SLC10A6: variants seen among roughly 807,000 people sequenced by gnomAD.
The protein encoded by SLC10A6 is solute carrier family 10 member 6, also known as sodium-dependent organic anion transporter.
A neutral mutation model predicts 30.0 loss-of-function variants in SLC10A6; 27 were observed. The ratio of observed to expected loss-of-function variants is 0.90; its 90% CI spans 0.66 to 1.24. The LOEUF (loss-of-function observed/expected upper bound fraction) is 1.24. Among genes scored for constraint, SLC10A6 ranks in the 50% most tolerant of loss-of-function variants. The pLI, the probability that SLC10A6 is intolerant of heterozygous loss-of-function variation, is 0.00. For synonymous variants in SLC10A6, 166 were observed against 173.8 expected (o/e 0.95, Z 0.36); for missense variants, 439 against 457.0 (o/e 0.96, Z 0.36).
intron 1 of SLC10A6, among the ~76,000 whole-genome samples, chr4:86,842,720 AAG>A: frequency 6.6e-6 from 1 of 150,752 alleles, no homozygotes; most frequent in African/African-American, 2.4e-5. Flanking sequence ...AAGAAAAGAA[AAG>A]AAAAGAAAAG....
chr4:86,833,876 T>C (rs913346609), intron 1 of SLC10A6, among the ~76,000 whole-genome samples: 1 of 152,072 alleles, frequency 6.6e-6, no homozygotes, highest in African/African-American at 2.4e-5. Flanking sequence ...CCCCAATCCC[T>C]CCTTCCCCTA....
At chr4:86,848,067 A>G (rs1390845597) in intron 1 of SLC10A6, among the ~76,000 whole-genome samples, 2 of 152,248 alleles carry the variant, frequency 1.3e-5, no homozygotes, top group East Asian at 1.9e-4. Context: ...TATCTACACC[A>G]TAATTGGGAA....
rs1393411491 is a variant in SLC10A6, at chr4:86,849,162, T to C, written c.-47A>G. On this transcript the variant is annotated 5_prime_UTR_variant, in exon 1 of 6. Transcript: ENST00000273905. Reference sequence around the variant, plus strand: ...CATTACAAATGAACATCGGCAACAATGGCTGGGCAGGTCTATCCTGCCACA... The same window carrying C: ...CATTACAAATGAACATCGGCAACAACGGCTGGGCAGGTCTATCCTGCCACA... 5.8e-6 allele frequency: 9 copies of C among 1,563,400 alleles called. No individual in the cohort carries two copies. Among genetic ancestry groups the C allele is most frequent in the Non-Finnish European group, 7.8e-6 (9 of 1,154,718 alleles).
intron 2 of SLC10A6, 49 bp downstream of exon 2, chr4:86,833,257 G>C: frequency 7.4e-7 from 1 of 1,359,356 alleles, no homozygotes; most frequent in Non-Finnish European, 1.0e-6. Context: ...GCTATTATTA[G>C]TATCATCACC....
chr4:86,847,808 A>G (rs1746417621), intron 1 of SLC10A6, among the ~76,000 whole-genome samples: 1 of 152,240 alleles, frequency 6.6e-6, no homozygotes, highest in South Asian at 2.1e-4. Flanking sequence ...TGACATACAC[A>G]TGAAACAAAT....
chr4:86,839,942 T>C (rs1359599302), intron 1 of SLC10A6, among the ~76,000 whole-genome samples: 1 of 151,000 alleles, frequency 6.6e-6, no homozygotes, highest in Non-Finnish European at 1.5e-5. Context: ...TGGAGCTCAC[T>C]CTGTCACCCA....
chr4:86,825,255 C>T (rs963948472), intron 5 of SLC10A6, among the ~76,000 whole-genome samples, 165 bp downstream of exon 5: 6 of 152,268 alleles, frequency 3.9e-5, no homozygotes, highest in African/African-American at 9.6e-5. Context: ...CCCACTTGTG[C>T]GCCAAACTAT....
chr4:86,826,715 T>C (rs1746006538), intron 4 of SLC10A6, among the ~76,000 whole-genome samples: 1 of 152,128 alleles, frequency 6.6e-6, no homozygotes, highest in Non-Finnish European at 1.5e-5. Flanking sequence ...TAAAATGAAG[T>C]AAACCTCATT....
At chr4:86,836,859 G>T (rs919503058) in intron 1 of SLC10A6, among the ~76,000 whole-genome samples, 2 of 152,046 alleles carry the variant, frequency 1.3e-5, no homozygotes, top group African/African-American at 4.8e-5. Flanking sequence ...CTGGGTTCAA[G>T]TGATTCTCCT....
intron 5 of SLC10A6, among the ~76,000 whole-genome samples, chr4:86,824,785 C>G (rs1745951263): frequency 6.6e-6 from 1 of 152,006 alleles, no homozygotes; most frequent in Admixed American, 6.6e-5. Context: ...CCATGAGCAC[C>G]CAATGTTTAG....
At chr4:86,840,559 A>T (rs1746273783) in intron 1 of SLC10A6, among the ~76,000 whole-genome samples, 1 of 152,134 alleles carries the variant, frequency 6.6e-6, no homozygotes, top group South Asian at 2.1e-4. Flanking sequence ...CTGACTTAAA[A>T]TTTATATTTT....
At chr4:86,837,158 T>G (rs1746198928) in intron 1 of SLC10A6, among the ~76,000 whole-genome samples, 1 of 148,748 alleles carries the variant, frequency 6.7e-6, no homozygotes, top group Non-Finnish European at 1.5e-5. Flanking sequence ...TAAAGCCTCC[T>G]TTGCTCTAAA....
In SLC10A6 at chr4:86,848,971, A is replaced by G; in HGVS notation, c.145T>C (p.Leu49=). 6.2e-7 allele frequency: 1 copy of G among 1,614,150 alleles called. No homozygotes were observed. Among genetic ancestry groups the G allele is most frequent in the South Asian group, 1.1e-5 (1 of 91,078 alleles). Residue 49 remains leucine (L), a synonymous_variant, in exon 1 of 6, where the codon TTG becomes CTG. Coordinates refer to ENST00000273905, the MANE Select transcript of SLC10A6 (RefSeq NM_197965.3). The part of the protein sequence containing the change: ...TVMMGLLMFS[L]GCSVEIRKLW... The stretch of plus-strand genomic sequence containing the variant: ...TTCCGGATCTCCACGGAACATCCCA[A>G]AGAGAACATGAGCAGCCCCATCATC...
At chr4:86,837,297 G>GAAA (rs1560460406) in intron 1 of SLC10A6, among the ~76,000 whole-genome samples, 1 of 95,426 alleles carries the variant, frequency 1.0e-5, no homozygotes, top group African/African-American at 4.7e-5. Flanking sequence ...AAGAAAGGAA[G>GAAA]GAAGGAAGGA....
rs185147291 is a variant in SLC10A6 at position 86,845,439 on chromosome 4, G to A, written c.377+3300C>T. On this transcript the variant is annotated intron_variant, in intron 1 of 5. Coordinates refer to ENST00000273905, the MANE Select transcript of SLC10A6 (RefSeq NM_197965.3). ...CTTAGTCGTTTCTACCAATTTAGTA[G>A]GTGTTGAGAAGCCTTTGTATGTATA... Among the ~76,000 whole-genome samples, 97 of 152,284 alleles carry A rather than the reference G, an allele frequency of 6.4e-4. 1 individual carries two copies. The East Asian group carries it at 0.017, about 27-fold the overall frequency.
In SLC10A6 at chr4:86,833,309, T is replaced by C; in HGVS notation, c.493A>G (p.Ile165Val). ...CATTTCCCAGGCCCATACAGACCTA[T>C]GTTCTGATAAGGAATGGTGAGATTC... ...QQNLTIPYQN[I>V]GITLVCLTIP... The change falls in exon 2 of 6, where the codon ATA becomes GTA. Residue 165 changes from isoleucine (I) to valine (V), a missense_variant. Coordinates refer to ENST00000273905, the MANE Select transcript of SLC10A6 (RefSeq NM_197965.3). 7 of 1,607,750 alleles carry C rather than the reference T, an allele frequency of 4.4e-6. No individual in the cohort carries two copies. The highest frequency in any genetic ancestry group is 6.0e-6 in the Non-Finnish European group (7 of 1,174,236).
At chr4:86,830,069 G>A (rs1746053927) in intron 3 of SLC10A6, among the ~76,000 whole-genome samples, 1 of 152,130 alleles carries the variant, frequency 6.6e-6, no homozygotes, top group African/African-American at 2.4e-5. Context: ...CTACCACACT[G>A]GAAATTTTCT....
chr4:86,834,865 A>G (rs1216415663), intron 1 of SLC10A6, among the ~76,000 whole-genome samples: 1 of 152,140 alleles, frequency 6.6e-6, no homozygotes, highest in Non-Finnish European at 1.5e-5. Context: ...GGGAGCAGGT[A>G]TCTCACATGG....
chr4:86,849,304 A>C lies in SLC10A6; in HGVS notation c.-189T>G. ...CACAAGTGGCATTATAAAAGTAATTATCACAGGCATGAAACATATAATAAA... is the reference window on the plus strand; with the variant it reads ...CACAAGTGGCATTATAAAAGTAATTCTCACAGGCATGAAACATATAATAAA... On this transcript the variant is annotated 5_prime_UTR_variant, in exon 1 of 6. Coordinates refer to ENST00000273905, the MANE Select transcript of SLC10A6 (RefSeq NM_197965.3). 1.6e-6 allele frequency: 1 copy of C among 643,696 alleles called. No homozygotes were observed. Among genetic ancestry groups the C allele is most frequent in the Non-Finnish European group, 2.6e-6 (1 of 380,802 alleles). The allele number at this position is 643,696 out of a possible 1,614,324, so 39.9% of individuals were successfully genotyped here. A position where few individuals can be genotyped will look rare whatever the true frequency, so the allele number is the denominator to read the frequency against.
Sources: gnomAD v4.1 joint callset for allele counts (sites outside exome capture counted in the v4.1 genomes callset) on GRCh38, gnomAD v4.1.1 for gene constraint, MANE v1.5 for transcripts, NCBI Gene and HGNC (gene_info 2026-07-23, HGNC 2026-07-21) for gene names.